PTPRH: variants seen among roughly 807,000 people sequenced by gnomAD.
PTPRH encodes the protein receptor-type tyrosine-protein phosphatase H.
In PTPRH, 113 loss-of-function variants were observed where a neutral mutation model predicts 130.2. That is an observed-to-expected ratio of 0.87 (90% confidence interval 0.75 to 1.01). The LOEUF is 1.01. Among genes scored for constraint, PTPRH ranks in the 50% least tolerant of loss-of-function variants. PTPRH has a pLI of 0.00. For missense variants in PTPRH, 1,430 were observed against 1,425.0 expected (o/e 1.00, Z -0.06); for synonymous variants, 556 against 577.9 (o/e 0.96, Z 0.54).
chr19:55,199,244 C>T (rs2086781830), intron 7 of PTPRH, among the ~76,000 whole-genome samples: 1 of 152,178 alleles, frequency 6.6e-6, no homozygotes, highest in Non-Finnish European at 1.5e-5. Context: ...GAGGTTCAGT[C>T]TGCAGTGAGC....
At chr19:55,199,880 GAGAA>G (rs1268798357) in intron 7 of PTPRH, among the ~76,000 whole-genome samples, 6 of 147,170 alleles carry the variant, frequency 4.1e-5, no homozygotes, top group Admixed American at 3.5e-4. Context: ...AGGAAGGAAA[GAGAA>G]GGAAAGAAAG....
intron 7 of PTPRH, among the ~76,000 whole-genome samples, chr19:55,199,666 AAAGAG>A (rs1305668730): frequency 1.3e-5 from 2 of 150,914 alleles, no homozygotes; most frequent in Non-Finnish European, 3.0e-5. Flanking sequence ...GAAAAGAAAG[AAAGAG>A]AAAAGAGAAA....
chr19:55,194,418 G>T, intron 10 of PTPRH: 1 of 1,045,314 alleles, frequency 9.6e-7, no homozygotes, highest in Non-Finnish European at 1.2e-6. Flanking sequence ...TTCTCTCAGG[G>T]ATCCTTGTTA....
intron 6 of PTPRH, 93 bp downstream of exon 6, chr19:55,201,963 C>T (rs1366024219): frequency 6.4e-7 from 1 of 1,556,740 alleles, no homozygotes; most frequent in South Asian, 1.2e-5. Flanking sequence ...CAATATGGCC[C>T]AGAGGGACTA....
At chr19:55,198,607 C>T in intron 8 of PTPRH, 36 bp downstream of exon 8, 1 of 1,522,918 alleles carries the variant, frequency 6.6e-7, no homozygotes, top group Non-Finnish European at 8.8e-7. Context: ...TTCCCCCATC[C>T]TAATAGGGCT....
chr19:55,199,735 G>C (rs767931329), intron 7 of PTPRH, among the ~76,000 whole-genome samples: 1 of 112,166 alleles, frequency 8.9e-6, no homozygotes, highest in African/African-American at 3.9e-5. Flanking sequence ...AGGAAGGAGG[G>C]AAGGAAAGAG....
At chr19:55,207,686 T>TG (rs67009927) in intron 1 of PTPRH, among the ~76,000 whole-genome samples, 1 of 14,180 alleles carries the variant, frequency 7.1e-5, no homozygotes, top group African/African-American at 3.9e-4. Flanking sequence ...GAGGAGGGGC[T>TG]GGGGTCTGGA....
At chr19:55,187,668 C>A (rs2086401603) in intron 13 of PTPRH, 65 bp from the exon 14 acceptor site, 2 of 1,218,616 alleles carry the variant, frequency 1.6e-6, no homozygotes, top group African/African-American at 3.0e-5. Context: ...GGGGGTACCC[C>A]CGAGCTCCCC....
intron 12 of PTPRH, chr19:55,189,925 T>G (rs965640151): frequency 8.5e-6 from 3 of 353,126 alleles, no homozygotes; most frequent in African/African-American, 6.5e-5. Flanking sequence ...GCCCAGGAGG[T>G]CGAGGCTGCA....
At chr19:55,183,838 G>T (rs916740746) in intron 18 of PTPRH, among the ~76,000 whole-genome samples, 1 of 152,068 alleles carries the variant, frequency 6.6e-6, no homozygotes, top group Non-Finnish European at 1.5e-5. Flanking sequence ...CAGACACCAC[G>T]CCCATTAGGC....
At position 55,205,543 on chromosome 19, in the gene PTPRH, G is replaced by A; in HGVS notation, c.402C>T (p.Ser134=). 1 of 1,614,250 alleles carries A rather than the reference G, an allele frequency of 6.2e-7. No individual in the cohort carries two copies. The highest frequency in any genetic ancestry group is 8.5e-7 in the Non-Finnish European group (1 of 1,180,048). Residue 134 remains serine (S), a synonymous_variant, in exon 4 of 20, where the codon TCC becomes TCT. Transcript: ENST00000376350. ...NLRVEAQTNS[S]IALTWEVPDG... Reference sequence around the variant, plus strand: ...CGGGGACCTCCCAGGTCAGGGCGATGGAGCTGTTGGTCTGAGCCTCCACTC... The same window carrying A: ...CGGGGACCTCCCAGGTCAGGGCGATAGAGCTGTTGGTCTGAGCCTCCACTC...
chr19:55,196,619 A>G lies in PTPRH; in HGVS notation c.2160T>C (p.Gly720=), dbSNP rs1281281417. The change falls in exon 10 of 20, where the codon GGT becomes GGC. Residue 720 remains glycine, a synonymous_variant. Transcript: ENST00000376350. ...SSCGEAVSVL[G]LGPARSYPAT... Reference sequence around the variant, plus strand: ...CTGGGTAGGACCGAGCCGGCCCGAGACCCAACACAGACACAGCCTCCCCAC... The same window carrying G: ...CTGGGTAGGACCGAGCCGGCCCGAGGCCCAACACAGACACAGCCTCCCCAC... 2 of 1,613,476 alleles carry G rather than the reference A, an allele frequency of 1.2e-6. No individual in the cohort carries two copies. The highest frequency in any genetic ancestry group is 1.7e-6 in the Non-Finnish European group (2 of 1,179,854).
At chr19:55,187,130 G>C (rs1243268874) in intron 14 of PTPRH, among the ~76,000 whole-genome samples, 9 of 151,174 alleles carry the variant, frequency 6.0e-5, no homozygotes, top group Non-Finnish European at 7.4e-5. Flanking sequence ...CAGATCACAA[G>C]GTCAGGAGAT....
rs756181309 is a variant in PTPRH, at chr19:55,198,894, C to CTTG, written c.1436_1438dup (p.Thr479dup). The CTTG allele has an allele frequency of 7.9e-5, 120 of 1,519,646 alleles. 4 individuals carry two copies. In the South Asian group the frequency reaches 1.1e-3, roughly 13 times the overall value. The allele number at this position is 1,519,646 out of a possible 1,614,324, so 94.1% of individuals were successfully genotyped here. ...GTTGGTCCAGTCCTGCTTGCTGAGG[C>CTTG]TTGTCACTGCGTTGGGGACTGGGAG... On this transcript the variant is annotated inframe_insertion, in exon 8 of 20. Coordinates refer to ENST00000376350, the MANE Select transcript of PTPRH (RefSeq NM_002842.5).
In PTPRH at chr19:55,191,709, G is replaced by T; in HGVS notation, c.2290C>A (p.Leu764Met). ...AGCAGGCCCACGAGGATGAGAAACA[G>T]GAGGATGCCCACAAAGGCTCCGGCA... is the stretch of plus-strand genomic sequence containing the variant. Reference protein sequence around the residue: ...VIAGAFVGILLFLILVGLLIF... With the variant: ...VIAGAFVGILMFLILVGLLIF... The change falls in exon 11 of 20, where the codon CTG (leucine) becomes ATG (methionine). Residue 764 changes from leucine to methionine, a missense_variant. Transcript: ENST00000376350. 1 of 1,614,098 alleles carries T rather than the reference G, an allele frequency of 6.2e-7. No individual in the cohort carries two copies. The highest frequency in any genetic ancestry group is 1.1e-5 in the South Asian group (1 of 91,074).
chr19:55,186,497 T>C lies in PTPRH; in HGVS notation c.2610A>G (p.Pro870=), dbSNP rs1365379906. Residue 870 remains proline (P), a synonymous_variant, in exon 15 of 20, where the codon CCA becomes CCG. Coordinates refer to ENST00000376350, the MANE Select transcript of PTPRH (RefSeq NM_002842.5). ...RVPLKPIHEE[P]GSDYINASFM... ...AGCTGGCATTGATGTAGTCAGAGCC[T>C]GGCTCCTCATGGATGGGCTTCAGGG... The C allele has an allele frequency of 6.5e-7, 1 of 1,549,210 alleles. No homozygotes were observed. Among genetic ancestry groups the C allele is most frequent in the South Asian group, 1.1e-5 (1 of 88,432 alleles).
At chr19:55,188,341 C>T (rs2086427880) in intron 12 of PTPRH, among the ~76,000 whole-genome samples, 173 bp from the exon 13 acceptor site, 1 of 152,054 alleles carries the variant, frequency 6.6e-6, no homozygotes, top group African/African-American at 2.4e-5. Context: ...GGTGAAACCC[C>T]ATCTCTACTA....
rs536883768 is a variant in PTPRH at position 55,196,707 on chromosome 19, C to T, written c.2072G>A (p.Gly691Glu). The T allele has an allele frequency of 2.4e-5, 39 of 1,614,116 alleles. No homozygotes were observed. The South Asian group carries it at 4.0e-4, about 16-fold the overall frequency. The change falls in exon 10 of 20, where the codon GGA becomes GAA. Residue 691 changes from glycine to glutamate, a missense_variant. Gly to Glu is a moderately conservative substitution (Grantham distance 98, BLOSUM62 -2). Coordinates refer to ENST00000376350, the MANE Select transcript of PTPRH (RefSeq NM_002842.5). ...CTCCAACTCAAAGGCCTCGTAGCCT[C>T]CCTGGGGGCAGGACCAGATCAAGTT... The part of the protein sequence containing the change: ...GVNLIWSCPQ[G>E]GYEAFELEVG...
At chr19:55,203,387 G>T (rs1381693704) in intron 5 of PTPRH, among the ~76,000 whole-genome samples, 3 of 115,932 alleles carry the variant, frequency 2.6e-5, no homozygotes, top group African/African-American at 1.2e-4. Context: ...TAGTAATTTA[G>T]TTTCTTTCTT....
Sources: allele counts gnomAD v4.1 joint callset (sites outside exome capture counted in the v4.1 genomes callset), GRCh38; gene constraint gnomAD v4.1.1; transcripts MANE v1.5; gene names NCBI Gene and HGNC (gene_info 2026-07-23, HGNC 2026-07-21).